Variants in RSRC1 observed in about 807,000 individuals in gnomAD.
The protein encoded by RSRC1 is arginine and serine rich coiled-coil 1, also known as serine/Arginine-related protein 53.
Under a neutral mutation model 49.1 loss-of-function variants are expected in RSRC1, and 39 were observed. The ratio of observed to expected loss-of-function variants is 0.79; its 90% CI spans 0.61 to 1.04. The LOEUF is 1.04. RSRC1 is among the 50% of genes least tolerant of loss of function. The pLI is 0.00. For missense variants in RSRC1, 388 were observed against 402.4 expected, an observed-to-expected ratio of 0.96 and a Z score of 0.31; for synonymous variants, 143 against 130.8, an observed-to-expected ratio of 1.09 and a Z score of -0.63.
intron 5 of RSRC1, among the ~76,000 whole-genome samples, chr3:158,346,899 G>T (rs1032006027): frequency 4.6e-5 from 7 of 152,134 alleles, no homozygotes; most frequent in African/African-American, 7.2e-5. Context: ...AGAAATTAGG[G>T]TATATCCTTA....
chr3:158,335,391 G>A (rs939185333), intron 5 of RSRC1, among the ~76,000 whole-genome samples: 12 of 152,278 alleles, frequency 7.9e-5, no homozygotes, highest in Middle Eastern at 3.4e-3. Flanking sequence ...GAAAGACCAT[G>A]TATTGCTGAA....
chr3:158,279,974 A>G (rs964712073), intron 4 of RSRC1, among the ~76,000 whole-genome samples: 6 of 152,194 alleles, frequency 3.9e-5, no homozygotes, highest in African/African-American at 7.2e-5. Flanking sequence ...TGTGTATACC[A>G]TGGTATCAGT....
intron 3 of RSRC1, among the ~76,000 whole-genome samples, chr3:158,149,714 A>G (rs1717403126): frequency 6.6e-6 from 1 of 152,146 alleles, no homozygotes. Flanking sequence ...TCTGGTTGAA[A>G]CCAACCTTTC....
chr3:158,255,719 T>C (rs2108022829), intron 4 of RSRC1, among the ~76,000 whole-genome samples: 1 of 152,358 alleles, frequency 6.6e-6, no homozygotes, highest in South Asian at 2.1e-4. Context: ...GTTTGTGTCC[T>C]CTTTTATTTC....
At chr3:158,294,233 A>G (rs958626238) in intron 4 of RSRC1, among the ~76,000 whole-genome samples, 3 of 152,016 alleles carry the variant, frequency 2.0e-5, no homozygotes, top group African/African-American at 7.2e-5. Flanking sequence ...TGCCTTCTGC[A>G]ATAGTTCTTC....
intron 5 of RSRC1, among the ~76,000 whole-genome samples, chr3:158,299,557 A>G (rs539507440): frequency 4.3e-4 from 66 of 152,064 alleles, no homozygotes; most frequent in African/African-American, 1.5e-3. Context: ...GCTGGTCTCA[A>G]ACACCTGACC....
chr3:158,441,036 C>T (rs1486110407), intron 6 of RSRC1, among the ~76,000 whole-genome samples: 3 of 152,050 alleles, frequency 2.0e-5, no homozygotes, highest in Non-Finnish European at 2.9e-5. Flanking sequence ...TTTTATTAAT[C>T]GTACATAAGC....
At chr3:158,509,870 G>T (rs1483686554) in intron 7 of RSRC1, among the ~76,000 whole-genome samples, 2 of 151,970 alleles carry the variant, frequency 1.3e-5, no homozygotes, top group Non-Finnish European at 1.5e-5. Context: ...CAGATTTTTT[G>T]CTATTAAAAC....
intron 8 of RSRC1, among the ~76,000 whole-genome samples, chr3:158,538,401 T>C (rs1712838617): frequency 6.6e-6 from 1 of 151,876 alleles, no homozygotes; most frequent in African/African-American, 2.4e-5. Flanking sequence ...TAGACATTCA[T>C]AAATGTAGTT....
intron 4 of RSRC1, among the ~76,000 whole-genome samples, chr3:158,245,776 A>G (rs1186862351): frequency 2.6e-5 from 4 of 151,960 alleles, no homozygotes; most frequent in Non-Finnish European, 4.4e-5. Context: ...TATGTAATCT[A>G]GAAGGTCTTT....
intron 5 of RSRC1, chr3:158,336,901 T>C (rs1360381604): frequency 6.6e-6 from 1 of 152,194 alleles, no homozygotes; most frequent in Non-Finnish European, 1.5e-5. Context: ...ACATATCCTA[T>C]GTGTTTCAGT....
chr3:158,502,512 T>G (rs1739652211), intron 7 of RSRC1, among the ~76,000 whole-genome samples: 1 of 152,214 alleles, frequency 6.6e-6, no homozygotes, highest in Non-Finnish European at 1.5e-5. Flanking sequence ...ATTCTTAGGT[T>G]TGGTCATTTA....
At chr3:158,383,642 T>G (rs183992394) in intron 6 of RSRC1, among the ~76,000 whole-genome samples, 2 of 152,288 alleles carry the variant, frequency 1.3e-5, no homozygotes, top group East Asian at 3.9e-4. Flanking sequence ...ACTCACCAAC[T>G]ATGATGGGGA....
intron 6 of RSRC1, among the ~76,000 whole-genome samples, chr3:158,409,440 T>G (rs1403457534): frequency 6.6e-6 from 1 of 152,192 alleles, no homozygotes; most frequent in East Asian, 1.9e-4. Context: ...TATTTGTTGT[T>G]TCTTGATTTT....
At chr3:158,536,696 T>C (rs1235306495) in intron 7 of RSRC1, among the ~76,000 whole-genome samples, 3 of 151,354 alleles carry the variant, frequency 2.0e-5, no homozygotes, top group South Asian at 2.1e-4. Context: ...CCCAAAAAAA[T>C]TGAGGTGGAT....
At chr3:158,142,815 T>G (rs545008590) in intron 3 of RSRC1, among the ~76,000 whole-genome samples, 1 of 152,172 alleles carries the variant, frequency 6.6e-6, no homozygotes, top group South Asian at 2.1e-4. Context: ...CAACATGAGA[T>G]TTGGAGGGAT....
chr3:158,216,500 A>C (rs1330804712), intron 4 of RSRC1, among the ~76,000 whole-genome samples: 1 of 151,614 alleles, frequency 6.6e-6, no homozygotes, highest in Non-Finnish European at 1.5e-5. Flanking sequence ...GTTATTTTGT[A>C]GTCTATGACT....
chr3:158,347,591 G>A (rs891110567), intron 5 of RSRC1, among the ~76,000 whole-genome samples: 2 of 151,992 alleles, frequency 1.3e-5, no homozygotes, highest in Non-Finnish European at 2.9e-5. Context: ...TCTGTCTGGA[G>A]GCAGGAGTGC....
intron 5 of RSRC1, among the ~76,000 whole-genome samples, chr3:158,298,357 T>C (rs1346357620): frequency 7.2e-5 from 11 of 152,072 alleles, no homozygotes; most frequent in Non-Finnish European, 1.2e-4. Flanking sequence ...AAAAATTGTT[T>C]GGTGTAGAAT....
Sources: allele counts gnomAD v4.1 joint callset (sites outside exome capture counted in the v4.1 genomes callset), GRCh38; gene constraint gnomAD v4.1.1; transcripts MANE v1.5; gene names NCBI Gene and HGNC (gene_info 2026-07-23, HGNC 2026-07-21).